Variants in EPHA6 observed in about 807,000 individuals in gnomAD.
EPHA6 encodes EPH receptor A6, also known as ephrin type-A receptor 6.
Under a neutral mutation model 112.0 loss-of-function variants are expected in EPHA6, and 50 were observed. The observed-to-expected ratio is 0.45, with a 90% confidence interval of 0.36 to 0.56. The LOEUF (loss-of-function observed/expected upper bound fraction) is 0.56. Among genes scored for constraint, EPHA6 ranks in the 20% least tolerant of loss-of-function variants. EPHA6 has a pLI of 0.00. For missense variants in EPHA6, 1,280 were observed against 1,417.4 expected, an observed-to-expected ratio of 0.90 and a Z score of 1.56; for synonymous variants, 529 against 490.7, an observed-to-expected ratio of 1.08 and a Z score of -1.03.
At position 97,085,928 on chromosome 3, in the gene EPHA6, C is replaced by CATATATATATATATATATATATATAT. The variant is rs67777487; in HGVS notation, c.1114+97956_1114+97957insTATATATATATATATATATATATATA. On this transcript the variant is annotated intron_variant, in intron 3 of 17. Transcript: ENST00000389672. Reference sequence around the variant, plus strand: ...TTGTGAGCTTTTATATATATGATGTCATATATATATATATATATATACACA... The same window carrying CATATATATATATATATATATATATAT: ...TTGTGAGCTTTTATATATATGATGTCATATATATATATATATATATATATATATATATATATATATATATATACACA... 2.3e-3 allele frequency among the ~76,000 whole-genome samples: 279 copies of CATATATATATATATATATATATATAT among 119,334 alleles called. 6 individuals carry two copies. The highest frequency in any genetic ancestry group is 7.3e-3 in the African/African-American group (163 of 22,264). 78.3% of individuals were successfully genotyped at this position (119,334 alleles called of 152,430 possible).
intron 5 of EPHA6, among the ~76,000 whole-genome samples, chr3:97,362,320 A>G (rs2084416000): frequency 6.6e-6 from 1 of 152,098 alleles, no homozygotes; most frequent in African/African-American, 2.4e-5. Context: ...CATGTGAATT[A>G]TTTTACATTA....
intron 2 of EPHA6, among the ~76,000 whole-genome samples, chr3:96,906,571 C>G (rs1399410173): frequency 6.6e-6 from 1 of 151,990 alleles, no homozygotes; most frequent in African/African-American, 2.4e-5. Flanking sequence ...CCCTTGTGCT[C>G]TGTTGTATCT....
intron 3 of EPHA6, among the ~76,000 whole-genome samples, chr3:97,036,596 C>T (rs1375493165): frequency 6.6e-6 from 1 of 151,906 alleles, no homozygotes; most frequent in African/African-American, 2.4e-5. Context: ...TTTGTATACA[C>T]AAAGAAGGAT....
intron 2 of EPHA6, among the ~76,000 whole-genome samples, chr3:96,890,501 A>G (rs1466113720): frequency 2.0e-5 from 3 of 152,252 alleles, no homozygotes; most frequent in African/African-American, 7.2e-5. Flanking sequence ...GAATAGTATC[A>G]TATTTATGTG....
At chr3:96,937,054 C>G (rs574906209) in intron 2 of EPHA6, among the ~76,000 whole-genome samples, 14 of 152,026 alleles carry the variant, frequency 9.2e-5, no homozygotes, top group Non-Finnish European at 1.9e-4. Flanking sequence ...ATTGTGAATA[C>G]TGCCACAATA....
chr3:97,177,806 C>CTTTA (rs750482791), intron 3 of EPHA6, among the ~76,000 whole-genome samples: 6 of 152,036 alleles, frequency 3.9e-5, no homozygotes, highest in Non-Finnish European at 5.9e-5. Context: ...TGGAATATCT[C>CTTTA]TTACCATCTC....
intron 11 of EPHA6, among the ~76,000 whole-genome samples, chr3:97,561,043 A>G (rs1271845054): frequency 6.6e-6 from 1 of 151,966 alleles, no homozygotes; most frequent in Non-Finnish European, 1.5e-5. Context: ...TGGTAAACTT[A>G]ATTGATCAAT....
Position 97,204,833 on chromosome 3 carries a change from G to A in EPHA6, c.1115-21431G>A, listed in dbSNP as rs187250084. ...TCCACAGTAGAGTAAGTTTCAAGTG[G>A]ATTCATTTACAACAGGCATTTTGCC... On this transcript the variant is annotated intron_variant, in intron 3 of 17. Transcript: ENST00000389672. 1.3e-3 allele frequency among the ~76,000 whole-genome samples: 196 copies of A among 152,218 alleles called. 1 individual carries two copies. Among genetic ancestry groups the A allele is most frequent in the African/African-American group, 3.8e-3 (158 of 41,564 alleles).
intron 3 of EPHA6, among the ~76,000 whole-genome samples, chr3:97,036,459 T>C (rs554487313): frequency 6.6e-6 from 1 of 152,166 alleles, no homozygotes; most frequent in South Asian, 2.1e-4. Context: ...TATTAAAAAC[T>C]GAGCTGTGAG....
At chr3:97,016,997 T>C (rs2044287757) in intron 3 of EPHA6, among the ~76,000 whole-genome samples, 1 of 152,212 alleles carries the variant, frequency 6.6e-6, no homozygotes. Context: ...GTATCTTGTT[T>C]GTGGCTGTTA....
chr3:97,078,299 T>C (rs1449539834), intron 3 of EPHA6, among the ~76,000 whole-genome samples: 1 of 152,188 alleles, frequency 6.6e-6, no homozygotes, highest in Non-Finnish European at 1.5e-5. Context: ...TATTAGCCCT[T>C]TTTCAGATGG....
At chr3:97,619,678 A>G (rs1346641455) in intron 13 of EPHA6, among the ~76,000 whole-genome samples, 2 of 152,078 alleles carry the variant, frequency 1.3e-5, no homozygotes, top group Non-Finnish European at 2.9e-5. Context: ...TGCCACAAAA[A>G]GAATAAAACA....
chr3:96,817,663 T>C (rs552073529), intron 1 of EPHA6, among the ~76,000 whole-genome samples: 11 of 152,072 alleles, frequency 7.2e-5, no homozygotes, highest in Admixed American at 6.5e-4. Context: ...ATTAAAGATA[T>C]TCACAAAATA....
At chr3:97,173,997 C>A (rs193258007) in intron 3 of EPHA6, among the ~76,000 whole-genome samples, 2 of 151,310 alleles carry the variant, frequency 1.3e-5, no homozygotes, top group African/African-American at 2.4e-5. Context: ...ATTTTTTTTA[C>A]CCATTAACCA....
chr3:97,265,511 G>A (rs1559838274), intron 5 of EPHA6, among the ~76,000 whole-genome samples: 1 of 152,200 alleles, frequency 6.6e-6, no homozygotes, highest in Non-Finnish European at 1.5e-5. Context: ...CTCAGCCCCA[G>A]CCCTCCTGCT....
Position 97,748,708 on chromosome 3 carries a change from C to T in EPHA6, c.*7C>T. The T allele has an allele frequency of 7.0e-7, 1 of 1,437,768 alleles. No homozygotes were observed. The highest frequency in any genetic ancestry group is 1.2e-5 in the South Asian group (1 of 86,828). 89.1% of individuals were successfully genotyped at this position (1,437,768 alleles called of 1,614,324 possible). Reference sequence around the variant, plus strand: ...GAAGGGATTTCATGTATGAAAGTACCACAAGCACCTGTGTTTTGTGCCTCA... The same window carrying T: ...GAAGGGATTTCATGTATGAAAGTACTACAAGCACCTGTGTTTTGTGCCTCA... On this transcript the variant is annotated 3_prime_UTR_variant, in exon 18 of 18. Coordinates refer to ENST00000389672, the MANE Select transcript of EPHA6 (RefSeq NM_001080448.3).
chr3:97,571,408 C>A (rs1281504339), intron 11 of EPHA6, among the ~76,000 whole-genome samples: 1 of 152,002 alleles, frequency 6.6e-6, no homozygotes, highest in African/African-American at 2.4e-5. Context: ...AAAACCCTTT[C>A]ATTTGAAGCA....
At chr3:97,748,077 C>A (rs1157012149) in intron 17 of EPHA6, among the ~76,000 whole-genome samples, 1 of 151,948 alleles carries the variant, frequency 6.6e-6, no homozygotes, top group Non-Finnish European at 1.5e-5. Flanking sequence ...TATTAAATTG[C>A]CATTGTTTTA....
At chr3:96,944,690 T>A (rs187429176) in intron 2 of EPHA6, among the ~76,000 whole-genome samples, 4 of 152,316 alleles carry the variant, frequency 2.6e-5, no homozygotes, top group Admixed American at 2.0e-4. Flanking sequence ...TACCTATCTT[T>A]CTAGGTTTTT....
Sources: gnomAD v4.1 joint callset for allele counts (sites outside exome capture counted in the v4.1 genomes callset) on GRCh38, gnomAD v4.1.1 for gene constraint, MANE v1.5 for transcripts, NCBI Gene and HGNC (gene_info 2026-07-23, HGNC 2026-07-21) for gene names.